KRT23: variants seen among roughly 807,000 people sequenced by gnomAD.
KRT23 encodes keratin, type I cytoskeletal 23.
In KRT23, 38 loss-of-function variants were observed where a neutral mutation model predicts 47.6. The ratio of observed to expected loss-of-function variants is 0.80; its 90% confidence interval spans 0.62 to 1.05. The LOEUF is 1.05. Ranked by LOEUF, KRT23 falls within the 50% of genes least tolerant of loss-of-function variation. The probability of loss-of-function intolerance (pLI) is 0.00; values close to 1 mark genes in which losing one functional copy is unlikely to be tolerated. For missense variants in KRT23, 503 were observed against 529.5 expected (o/e 0.95, Z 0.49); for synonymous variants, 191 against 199.0 (o/e 0.96, Z 0.34).
In KRT23 at chr17:40,930,694, G is replaced by T. The variant is rs181243410; in HGVS notation, c.480-598C>A. Among the ~76,000 whole-genome samples, 250 of 151,900 alleles carry T rather than the reference G, an allele frequency of 1.6e-3. 2 individuals are homozygous for T. Among genetic ancestry groups the T allele is most frequent in the Non-Finnish European group, 1.2e-3 (83 of 67,974 alleles). On this transcript the variant is annotated intron_variant, in intron 3 of 8. Transcript: ENST00000209718. ...CAGGAGAATCGCTTGAACCTGGAAG[G>T]CAGAGGTTGCAGTGAGCCGAGATCA...
intron 2 of KRT23, among the ~76,000 whole-genome samples, chr17:40,931,804 A>G (rs1415779162): frequency 6.6e-6 from 1 of 152,226 alleles, no homozygotes; most frequent in Non-Finnish European, 1.5e-5. Context: ...TTTTTAGGTT[A>G]TGGACATGTC....
chr17:40,936,669 G>A lies in KRT23; in HGVS notation c.-66C>T. On this transcript the variant is annotated 5_prime_UTR_variant, in exon 2 of 9. Coordinates refer to ENST00000209718, the MANE Select transcript of KRT23 (RefSeq NM_015515.5). ...CTCCCTGGCACCGCAGAACTGAGCCGCCCCAGACTGCCCTGGATGGTTTTA... is the reference window on the plus strand; with the variant it reads ...CTCCCTGGCACCGCAGAACTGAGCCACCCCAGACTGCCCTGGATGGTTTTA... The A allele has an allele frequency of 7.1e-7, 1 of 1,414,502 alleles. No homozygotes were observed. Among genetic ancestry groups the A allele is most frequent in the Non-Finnish European group, 9.3e-7 (1 of 1,069,622 alleles). 87.6% of individuals were successfully genotyped at this position (1,414,502 alleles called of 1,614,324 possible).
At position 40,930,087 on chromosome 17, in the gene KRT23, A is replaced by G. The variant is rs199617816; in HGVS notation, c.489T>C (p.Asn163=). 212 of 1,613,922 alleles carry G rather than the reference A, an allele frequency of 1.3e-4. No homozygotes were observed. Among genetic ancestry groups the G allele is most frequent in the Admixed American group, 5.5e-4 (33 of 60,008 alleles). Residue 163 remains asparagine (N), a synonymous_variant, in exon 4 of 9, where the codon AAT becomes AAC. Coordinates refer to ENST00000209718, the MANE Select transcript of KRT23 (RefSeq NM_015515.5). ...CCAAGTCTTTCTTAAAGGAGTGTTC[A>G]TTTTCATACCTTTGGTGAGAAGGAA... ...AVDDFNLKYE[N]EHSFKKDLEI...
Position 40,936,697 on chromosome 17 carries a change from G to T in KRT23, c.-94C>A. 8.3e-7 allele frequency: 1 copy of T among 1,210,430 alleles called. No homozygotes were observed. Among genetic ancestry groups the T allele is most frequent in the Non-Finnish European group, 1.1e-6 (1 of 905,296 alleles). 75.0% of individuals were successfully genotyped at this position (1,210,430 alleles called of 1,614,324 possible). On this transcript the variant is annotated 5_prime_UTR_variant, in exon 2 of 9. Coordinates refer to ENST00000209718, the MANE Select transcript of KRT23 (RefSeq NM_015515.5). ...CCAGACTGCCCTGGATGGTTTTATG[G>T]CCTTTGCTGTGGGAGTTCCCTTCTC...
At chr17:40,928,713 G>A in intron 4 of KRT23, 106 bp from the exon 5 acceptor site, 3 of 1,045,118 alleles carry the variant, frequency 2.9e-6, no homozygotes, top group Non-Finnish European at 4.2e-6. Flanking sequence ...TTCCGATTAT[G>A]TGGTTGCTCC....
At chr17:40,927,282 T>C (rs16966447) in intron 6 of KRT23, among the ~76,000 whole-genome samples, 70,491 of 152,116 alleles carry the variant, frequency 0.46, 16,916 homozygotes, top group East Asian at 0.71. Flanking sequence ...TAAGGATTGG[T>C]GTCAGATAGT....
Position 40,931,463 on chromosome 17 carries a change from A to G in KRT23, c.397-8T>C. 1.2e-6 allele frequency: 2 copies of G among 1,609,354 alleles called. No homozygotes were observed. Among genetic ancestry groups the G allele is most frequent in the South Asian group, 2.2e-5 (2 of 90,984 alleles). ...CATCTTACCATCCACTATCTGTAAA[A>G]CATGCACAAAAGCACAAAAGGTTAT... On this transcript the variant is annotated splice_region_variant and splice_polypyrimidine_tract_variant and intron_variant, in intron 2 of 8. Coordinates refer to ENST00000209718, the MANE Select transcript of KRT23 (RefSeq NM_015515.5).
At chr17:40,930,744 C>T (rs562272747) in intron 3 of KRT23, among the ~76,000 whole-genome samples, 1 of 150,624 alleles carries the variant, frequency 6.6e-6, no homozygotes, top group African/African-American at 2.4e-5. Flanking sequence ...AGCCTGGCAA[C>T]AGAGCAAGAC....
Position 40,925,524 on chromosome 17 carries a change from G to T in KRT23, c.972C>A (p.Cys324Ter). Residue 324 changes from cysteine to a stop codon, truncating the protein, a stop_gained, in exon 7 of 9, where the codon TGC becomes TGA. Transcript: ENST00000209718. LOFTEE classifies it high-confidence loss of function. ...TGATCTCTTGCATGTCCTGGAGCTT[G>T]CAGGAGTACCGAGACTGGGTCTCGG... ...MLSETQSRYS[C>*]KLQDMQEIIS... The T allele has an allele frequency of 6.2e-7, 1 of 1,614,194 alleles. No homozygotes were observed. Among genetic ancestry groups the T allele is most frequent in the Non-Finnish European group, 8.5e-7 (1 of 1,180,006 alleles).
intron 6 of KRT23, among the ~76,000 whole-genome samples, chr17:40,926,871 TG>T (rs1909255702): frequency 6.6e-6 from 1 of 152,078 alleles, no homozygotes; most frequent in Admixed American, 6.6e-5. Flanking sequence ...GGCCTCACCC[TG>T]TCTTCCTCCC....
chr17:40,924,117 T>C (rs1036119910), intron 8 of KRT23, among the ~76,000 whole-genome samples: 1 of 152,222 alleles, frequency 6.6e-6, no homozygotes, highest in Non-Finnish European at 1.5e-5. Context: ...TAATACACTA[T>C]TCAAATCTCA....
chr17:40,927,327 G>C (rs996936190), intron 6 of KRT23, among the ~76,000 whole-genome samples: 17 of 152,182 alleles, frequency 1.1e-4, no homozygotes, highest in Middle Eastern at 3.2e-3. Flanking sequence ...TGCCTCGCCT[G>C]TTTCACAGGG....
chr17:40,933,863 A>G (rs2143515549), intron 2 of KRT23, among the ~76,000 whole-genome samples: 1 of 152,304 alleles, frequency 6.6e-6, no homozygotes, highest in African/African-American at 2.4e-5. Flanking sequence ...GATTCTCCTG[A>G]AGGCCCTCAG....
At chr17:40,936,073 C>T (rs1910041527) in intron 2 of KRT23, 135 bp downstream of exon 2, 3 of 920,056 alleles carry the variant, frequency 3.3e-6, no homozygotes, top group Middle Eastern at 3.4e-4. Context: ...AAACATCCCC[C>T]AAAACCTTTG....
intron 8 of KRT23, 58 bp downstream of exon 8, chr17:40,924,414 G>A: frequency 1.4e-6 from 2 of 1,396,642 alleles, no homozygotes; most frequent in Middle Eastern, 1.8e-4. Context: ...ACTACAAAAT[G>A]GATAACCATG....
At chr17:40,929,209 C>CTTT (rs1909465647) in intron 4 of KRT23, among the ~76,000 whole-genome samples, 1 of 151,592 alleles carries the variant, frequency 6.6e-6, no homozygotes, top group African/African-American at 2.4e-5. Context: ...CTGAACCTTA[C>CTTT]AGGCTATAGG....
Position 40,925,358 on chromosome 17 carries a change from C to T in KRT23, c.1138G>A (p.Glu380Lys), listed in dbSNP as rs1177319116. 3.1e-6 allele frequency: 5 copies of T among 1,613,008 alleles called. No homozygotes were observed. Among genetic ancestry groups the T allele is most frequent in the Non-Finnish European group, 4.2e-6 (5 of 1,179,868 alleles). ...TYRRLLEGES[E>K]GTREESKSSM... is the part of the protein sequence containing the mutation. ...TCGTGCCAGCCTTTGCCTTACCCTTCACTCTCTCCCTCCAGGAGCCGTCGG... is the reference window on the plus strand; with the variant it reads ...TCGTGCCAGCCTTTGCCTTACCCTTTACTCTCTCCCTCCAGGAGCCGTCGG... Residue 380 changes from glutamate (E) to lysine (K), a missense_variant, in exon 7 of 9, where the codon GAA becomes AAA. Coordinates refer to ENST00000209718, the MANE Select transcript of KRT23 (RefSeq NM_015515.5).
chr17:40,930,248 T>C, intron 3 of KRT23, 152 bp from the exon 4 acceptor site: 1 of 638,522 alleles, frequency 1.6e-6, no homozygotes, highest in Non-Finnish European at 2.6e-6. Flanking sequence ...GCCAGTTTCA[T>C]GCTACACTTC....
chr17:40,922,771 TA>T lies in KRT23; in HGVS notation c.*217del. 4.7e-6 allele frequency: 2 copies of T among 429,458 alleles called. No individual in the cohort carries two copies. The highest frequency in any genetic ancestry group is 8.3e-6 in the Non-Finnish European group (2 of 242,172). 26.6% of individuals were successfully genotyped at this position (429,458 alleles called of 1,614,324 possible). On this transcript the variant is annotated 3_prime_UTR_variant, in exon 9 of 9. Coordinates refer to ENST00000209718, the MANE Select transcript of KRT23 (RefSeq NM_015515.5). ...GAATCTGAAGGCTGCAGTAGGAAAG[TA>T]GAGCTTTACCCTCATAAACTCGCAC... is the stretch of plus-strand genomic sequence containing the variant.
Sources: allele counts gnomAD v4.1 joint callset (sites outside exome capture counted in the v4.1 genomes callset), GRCh38; gene constraint gnomAD v4.1.1; transcripts MANE v1.5; gene names NCBI Gene and HGNC (gene_info 2026-07-23, HGNC 2026-07-21).